Variants in DENND4C observed in about 807,000 individuals in gnomAD.
DENND4C encodes DENN domain-containing protein 4C.
In DENND4C, 108 loss-of-function variants were observed where a neutral mutation model predicts 203.0. The observed-to-expected ratio is 0.53, with a 90% confidence interval of 0.46 to 0.62. The LOEUF is 0.62. Ranked by LOEUF, DENND4C falls within the 20% of genes least tolerant of loss-of-function variation. The pLI, the probability that DENND4C is intolerant of heterozygous loss-of-function variation, is 0.00. For synonymous variants in DENND4C, 871 were observed against 792.4 expected (o/e 1.10, Z -1.67); for missense variants, 2,481 against 2,301.2 (o/e 1.08, Z -1.60).
At chr9:19,323,128 G>A (rs1843160085) in intron 12 of DENND4C, among the ~76,000 whole-genome samples, 1 of 152,086 alleles carries the variant, frequency 6.6e-6, no homozygotes, top group South Asian at 2.1e-4. Context: ...AACATAGCAA[G>A]ACACCCATCT....
chr9:19,240,368 C>T (rs1016614936), intron 1 of DENND4C, among the ~76,000 whole-genome samples: 4 of 151,916 alleles, frequency 2.6e-5, no homozygotes, highest in Non-Finnish European at 4.4e-5. Context: ...AATAAAAATA[C>T]GGTATAAAAG....
chr9:19,283,082 G>A (rs775786453), intron 2 of DENND4C, among the ~76,000 whole-genome samples: 1 of 151,884 alleles, frequency 6.6e-6, no homozygotes, highest in Non-Finnish European at 1.5e-5. Context: ...TGCCCAGGCT[G>A]TTCTTGAACT....
intron 10 of DENND4C, among the ~76,000 whole-genome samples, chr9:19,309,462 A>T (rs113710943): frequency 6.6e-6 from 1 of 152,228 alleles, no homozygotes; most frequent in Non-Finnish European, 1.5e-5. Flanking sequence ...TGGTTACACA[A>T]TTCCGTGAAT....
intron 24 of DENND4C, 37 bp downstream of exon 24, chr9:19,350,916 T>A (rs1287282395): frequency 1.3e-6 from 2 of 1,548,192 alleles, no homozygotes; most frequent in African/African-American, 1.4e-5. Flanking sequence ...ATTTGCTTTA[T>A]AATAGTTTTT....
rs1256352607 is a variant in DENND4C at position 19,372,960 on chromosome 9, T to C, written c.*787T>C. ...TATATACAGCCATATTCTAAGTGTA[T>C]ATTTATTAAAATAGATTGCATGTTG... On this transcript the variant is annotated 3_prime_UTR_variant, in exon 33 of 33. Coordinates refer to ENST00000434457, the MANE Select transcript of DENND4C (RefSeq NM_001330640.2). 6.6e-6 allele frequency: 1 copy of C among 151,990 alleles called. No individual in the cohort carries two copies. Among genetic ancestry groups the C allele is most frequent in the South Asian group, 2.1e-4 (1 of 4,830 alleles). The allele number at this position is 151,990 out of a possible 1,614,324, so 9.4% of individuals were successfully genotyped here.
At chr9:19,344,810 A>T (rs995408462) in intron 22 of DENND4C, among the ~76,000 whole-genome samples, 1 of 151,432 alleles carries the variant, frequency 6.6e-6, no homozygotes, top group African/African-American at 2.5e-5. Context: ...GCATAACCCT[A>T]ACTTAAAAAA....
intron 10 of DENND4C, among the ~76,000 whole-genome samples, chr9:19,313,852 A>G (rs1841226312): frequency 6.6e-6 from 1 of 152,186 alleles, no homozygotes; most frequent in African/African-American, 2.4e-5. Flanking sequence ...ATGAATTCTC[A>G]GGGGAGATCC....
In DENND4C at chr9:19,345,981, A is replaced by G. The variant is rs1428515036; in HGVS notation, c.3212A>G (p.Glu1071Gly). 6.2e-7 allele frequency: 1 copy of G among 1,613,978 alleles called. No homozygotes were observed. Among genetic ancestry groups the G allele is most frequent in the East Asian group, 2.2e-5 (1 of 44,892 alleles). The change falls in exon 23 of 33, where the codon GAA becomes GGA. Residue 1071 changes from glutamate to glycine, a missense_variant. Glu to Gly is a moderately conservative substitution (Grantham distance 98). Transcript: ENST00000434457. ...CCAGTTGAAGATGCAGTCTTTGGCG[A>G]AGCTACTAATCTCAAGAAGAATGGT... ...QDPVEDAVFG[E>G]ATNLKKNGDR...
In DENND4C at chr9:19,360,507, ATACT is replaced by A; in HGVS notation, c.5406+22_5406+25del. On this transcript the variant is annotated intron_variant, in intron 29 of 32. Coordinates refer to ENST00000434457, the MANE Select transcript of DENND4C (RefSeq NM_001330640.2). ...GTGTACAGGTAGGGTGCCAACTTTT[ATACT>A]TACATTAGTATTCAGTAGGATGAGG... is the stretch of plus-strand genomic sequence containing the variant. 1 of 1,613,874 alleles carries A rather than the reference ATACT, an allele frequency of 6.2e-7. No individual in the cohort carries two copies. Among genetic ancestry groups the A allele is most frequent in the Non-Finnish European group, 8.5e-7 (1 of 1,179,934 alleles).
intron 23 of DENND4C, 39 bp downstream of exon 23, chr9:19,347,125 A>AGT (rs760815976): frequency 1.3e-6 from 2 of 1,517,184 alleles, no homozygotes; most frequent in South Asian, 2.4e-5. Flanking sequence ...CTGCTATTGG[A>AGT]GTGTTTATAG....
rs1185296754 is a variant in DENND4C, at chr9:19,372,289, C to A, written c.*116C>A. 8.0e-6 allele frequency: 10 copies of A among 1,250,248 alleles called. No individual in the cohort carries two copies. The highest frequency in any genetic ancestry group is 3.3e-6 in the Non-Finnish European group (3 of 900,406). The allele number at this position is 1,250,248 out of a possible 1,614,324, so 77.4% of individuals were successfully genotyped here. On this transcript the variant is annotated 3_prime_UTR_variant, in exon 33 of 33. Coordinates refer to ENST00000434457, the MANE Select transcript of DENND4C (RefSeq NM_001330640.2). ...TGGTGAATACGGAATTGAAGTAACT[C>A]TTGGGGACAATATATAATGAATTAT... is the stretch of plus-strand genomic sequence containing the variant.
chr9:19,336,326 G>C lies in DENND4C; in HGVS notation c.2646G>C (p.Thr882=), dbSNP rs779633488. 1.2e-6 allele frequency: 2 copies of C among 1,614,040 alleles called. No individual in the cohort carries two copies. The highest frequency in any genetic ancestry group is 2.2e-5 in the South Asian group (2 of 91,070). The change falls in exon 19 of 33, where the codon ACG becomes ACC. Residue 882 remains threonine (T), a synonymous_variant. Coordinates refer to ENST00000434457, the MANE Select transcript of DENND4C (RefSeq NM_001330640.2). ...SSTRSGIFLW[T]KVRNVVRGLA... ...CCCGCAGTGGTATTTTCTTATGGAC[G>C]AAGGTACGGAATGTGGTACGTGGCT...
chr9:19,234,962 T>C (rs185192382), intron 1 of DENND4C, among the ~76,000 whole-genome samples: 73 of 152,054 alleles, frequency 4.8e-4, no homozygotes, highest in African/African-American at 1.7e-3. Context: ...TTTTTTTTTT[T>C]TTCTTTCTTT....
intron 17 of DENND4C, among the ~76,000 whole-genome samples, chr9:19,332,902 A>G (rs1404413381): frequency 6.7e-6 from 1 of 149,542 alleles, no homozygotes; most frequent in East Asian, 2.0e-4. Flanking sequence ...GGCTGGCTTC[A>G]TTTTATTCTT....
Position 19,374,112 on chromosome 9 carries a change from T to TAAAATGA in DENND4C, c.*1945_*1951dup, listed in dbSNP as rs963213982. Among the ~76,000 whole-genome samples, 16 of 152,204 alleles carry TAAAATGA rather than the reference T, an allele frequency of 1.1e-4. No homozygotes were observed. Among genetic ancestry groups the TAAAATGA allele is most frequent in the African/African-American group, 3.6e-4 (15 of 41,460 alleles). On this transcript the variant is annotated 3_prime_UTR_variant, in exon 33 of 33. Coordinates refer to ENST00000434457, the MANE Select transcript of DENND4C (RefSeq NM_001330640.2). ...CTTGCATATAAAAATTGAGGTTGAA[T>TAAAATGA]AAAATGAAAAATTGTTGTTTTCTGT...
rs1195640661 is a variant in DENND4C, at chr9:19,326,190, T to A, written c.2116T>A (p.Tyr706Asn). Reference protein sequence around the residue: ...PDDGKDLSPKYSYKYFPRLDL... With the variant: ...PDDGKDLSPKNSYKYFPRLDL... ...TGATGGAAAGGACCTGTCACCAAAG[T>A]ACAGGTAGTAGGAAGTTTTAAAAGA... is the stretch of plus-strand genomic sequence containing the variant. The change falls in exon 15 of 33, where the codon TAC (tyrosine) becomes AAC (asparagine). Residue 706 changes from tyrosine to asparagine, a missense_variant. This residue lies in a region of DENND4C where 2,289 missense variants were observed against 2,113.3 expected (regional missense o/e 1.08). Coordinates refer to ENST00000434457, the MANE Select transcript of DENND4C (RefSeq NM_001330640.2). 6.2e-7 allele frequency: 1 copy of A among 1,606,860 alleles called. No individual in the cohort carries two copies. The highest frequency in any genetic ancestry group is 8.5e-7 in the Non-Finnish European group (1 of 1,178,298).
Position 19,305,530 on chromosome 9 carries a change from A to T in DENND4C, c.1487+3A>T. The T allele has an allele frequency of 6.2e-7, 1 of 1,607,766 alleles. No individual in the cohort carries two copies. Among genetic ancestry groups the T allele is most frequent in the Non-Finnish European group, 8.5e-7 (1 of 1,178,154 alleles). ...TTGGATACGAACATGTTATATGTGTAAGTTGATTCATTTTATATTATCTCC... is the reference window on the plus strand; with the variant it reads ...TTGGATACGAACATGTTATATGTGTTAGTTGATTCATTTTATATTATCTCC... On this transcript the variant is annotated splice_donor_region_variant and intron_variant, in intron 10 of 32. Coordinates refer to ENST00000434457, the MANE Select transcript of DENND4C (RefSeq NM_001330640.2).
In DENND4C at chr9:19,328,117, T is replaced by A; in HGVS notation, c.2208T>A (p.Asn736Lys). The part of the protein sequence containing the change: ...KLCFSRHPTG[N>K]SITKSPPLMA... ...GTTTTAGTAGACACCCTACTGGGAA[T>A]AGCATTACAAAGAGTCCACCTCTCA... The change falls in exon 16 of 33, where the codon AAT becomes AAA. Residue 736 changes from asparagine (N) to lysine (K), a missense_variant. Asn to Lys is a moderately conservative substitution (Grantham distance 94, BLOSUM62 0). Around this residue, in one of 3 missense-constraint regions of DENND4C, gnomAD observed 2,289 missense variants for 2,113.3 expected, o/e 1.08. Coordinates refer to ENST00000434457, the MANE Select transcript of DENND4C (RefSeq NM_001330640.2). 1.9e-6 allele frequency: 3 copies of A among 1,613,754 alleles called. No homozygotes were observed. The highest frequency in any genetic ancestry group is 2.5e-6 in the Non-Finnish European group (3 of 1,179,838).
chr9:19,275,616 GC>G (rs1233156791), intron 1 of DENND4C, among the ~76,000 whole-genome samples: 3 of 151,850 alleles, frequency 2.0e-5, no homozygotes, highest in Non-Finnish European at 4.4e-5. Context: ...GATTATAGGC[GC>G]CCCCCACCAG....
Sources: allele counts gnomAD v4.1 joint callset (sites outside exome capture counted in the v4.1 genomes callset), GRCh38; gene constraint gnomAD v4.1.1; regional missense constraint gnomAD v4.1.1; transcripts MANE v1.5; gene names NCBI Gene and HGNC (gene_info 2026-07-23, HGNC 2026-07-21).